The following WDR27 variants were observed in gnomAD, a reference collection of about 807,000 sequenced individuals.
The protein encoded by WDR27 is WD repeat domain 27, also known as WD repeat-containing protein 27.
WDR27 carries 100 observed loss-of-function variants against 114.4 expected under a neutral mutation model. That is an observed-to-expected ratio of 0.87 (90% CI 0.74 to 1.03). The LOEUF is 1.03. Ranked by LOEUF, WDR27 falls within the 50% of genes least tolerant of loss-of-function variation. The pLI, the probability that WDR27 is intolerant of heterozygous loss-of-function variation, is 0.00. For synonymous variants in WDR27, 449 were observed against 423.1 expected (o/e 1.06, Z -0.75); for missense variants, 1,129 against 1,092.9 (o/e 1.03, Z -0.47).
rs145479460 is a variant in WDR27, at chr6:169,549,418, C to G, written c.2645+23001G>C. 4.5e-3 allele frequency among the ~76,000 whole-genome samples: 690 copies of G among 152,270 alleles called. 7 individuals carry two copies. The highest frequency in any genetic ancestry group is 0.016 in the African/African-American group (658 of 41,554). ...GAGCAACAGGAACTCCCATTCATTG[C>G]TGGTGGGAGTGCAAAATGGTGCAGC... On this transcript the variant is annotated intron_variant, in intron 25 of 25. Transcript: ENST00000448612.
At position 169,613,543 on chromosome 6, in the gene WDR27, C is replaced by T. The variant is rs144705222; in HGVS notation, c.2321+16G>A. 1,374 of 1,607,580 alleles carry T rather than the reference C, an allele frequency of 8.5e-4. 16 individuals carry two copies. In the East Asian group the frequency reaches 0.022, roughly 26 times the overall value. ...AGCTCCCCACCCCTGCAGTGCAGGG[C>T]GCAGGACAGCCTTACCTCAGGGTTC... On this transcript the variant is annotated intron_variant, in intron 22 of 25. Coordinates refer to ENST00000448612, the MANE Select transcript of WDR27 (RefSeq NM_182552.5).
intron 2 of WDR27, among the ~76,000 whole-genome samples, chr6:169,675,625 G>A (rs576037773): frequency 5.3e-5 from 8 of 152,244 alleles, no homozygotes; most frequent in South Asian, 4.1e-4. Flanking sequence ...TCAGAAAGGC[G>A]GGACAACTCA....
chr6:169,482,439 A>G (rs1230255614), intron 25 of WDR27, among the ~76,000 whole-genome samples: 2 of 152,102 alleles, frequency 1.3e-5, no homozygotes, highest in East Asian at 1.9e-4. Context: ...GTATTTTTTG[A>G]CTTTTAATAA....
At chr6:169,565,727 T>C (rs1444906658) in intron 25 of WDR27, among the ~76,000 whole-genome samples, 8 of 152,226 alleles carry the variant, frequency 5.3e-5, no homozygotes, top group African/African-American at 1.9e-4. Flanking sequence ...CAGGCTGGAG[T>C]GCAGTGGTCC....
chr6:169,618,386 A>C (rs1423381510), intron 21 of WDR27, among the ~76,000 whole-genome samples: 1 of 152,188 alleles, frequency 6.6e-6, no homozygotes, highest in African/African-American at 2.4e-5. Context: ...TACACCTGCT[A>C]GGACTTTAAG....
chr6:169,701,075 A>G (rs1203283892), intron 1 of WDR27, among the ~76,000 whole-genome samples: 1 of 152,228 alleles, frequency 6.6e-6, no homozygotes, highest in Non-Finnish European at 1.5e-5. Context: ...TCCCAGATAA[A>G]CTGGAAGCTG....
At chr6:169,467,240 G>C (rs546508547) in intron 25 of WDR27, among the ~76,000 whole-genome samples, 1 of 152,312 alleles carries the variant, frequency 6.6e-6, no homozygotes, top group African/African-American at 2.4e-5. Context: ...AGCTTTTCCA[G>C]AAGCATGGTG....
chr6:169,485,597 T>C (rs1788779955), intron 25 of WDR27, among the ~76,000 whole-genome samples: 1 of 152,206 alleles, frequency 6.6e-6, no homozygotes, highest in African/African-American at 2.4e-5. Flanking sequence ...GAAATCAGTG[T>C]GGTGATTGCT....
Position 169,525,885 on chromosome 6 carries a change from A to C in WDR27, c.2645+46534T>G, listed in dbSNP as rs560139595. Among the ~76,000 whole-genome samples, 381 of 152,366 alleles carry C rather than the reference A, an allele frequency of 2.5e-3. 4 individuals carry two copies. The highest frequency in any genetic ancestry group is 8.2e-3 in the African/African-American group (341 of 41,582). On this transcript the variant is annotated intron_variant, in intron 25 of 25. Coordinates refer to ENST00000448612, the MANE Select transcript of WDR27 (RefSeq NM_182552.5). ...GATAAAGAAAATGTGGTATATATACACAATGGAATATTGTTCAGCCATAAA... is the reference window on the plus strand; with the variant it reads ...GATAAAGAAAATGTGGTATATATACCCAATGGAATATTGTTCAGCCATAAA...
At position 169,668,189 on chromosome 6, in the gene WDR27, T is replaced by C; in HGVS notation, c.457-4A>G. ...TGTATGTCACAGAAAATCGCTGCTA[T>C]TAAAATAAAGCCCAAATTATTCCTC... On this transcript the variant is annotated splice_region_variant and splice_polypyrimidine_tract_variant and intron_variant, in intron 4 of 25. Transcript: ENST00000448612. The C allele has an allele frequency of 6.2e-7, 1 of 1,613,910 alleles. No homozygotes were observed. The highest frequency in any genetic ancestry group is 1.1e-5 in the South Asian group (1 of 91,018).
chr6:169,590,044 T>A (rs941929871), intron 23 of WDR27, among the ~76,000 whole-genome samples: 2 of 151,074 alleles, frequency 1.3e-5, no homozygotes, highest in African/African-American at 4.9e-5. Context: ...TGCTCAAAAA[T>A]GTTTTTACAA....
At position 169,566,303 on chromosome 6, in the gene WDR27, C is replaced by G. The variant is rs372925378; in HGVS notation, c.2645+6116G>C. Reference sequence around the variant, plus strand: ...GCAGGGAAGAAAGCTTGTGGCTAGACAGCAGCCCTGCTCACCTGGGCAGTG... The same window carrying G: ...GCAGGGAAGAAAGCTTGTGGCTAGAGAGCAGCCCTGCTCACCTGGGCAGTG... On this transcript the variant is annotated intron_variant, in intron 25 of 25. Coordinates refer to ENST00000448612, the MANE Select transcript of WDR27 (RefSeq NM_182552.5). Among the ~76,000 whole-genome samples the G allele has an allele frequency of 1.8e-4, 28 of 152,332 alleles. No individual in the cohort carries two copies. The East Asian group carries it at 2.7e-3, about 15-fold the overall frequency.
intron 13 of WDR27, among the ~76,000 whole-genome samples, chr6:169,652,691 T>C (rs1166253889): frequency 6.6e-6 from 1 of 152,252 alleles, no homozygotes; most frequent in African/African-American, 2.4e-5. Context: ...ATCCATTAAT[T>C]TTCCATGGGA....
rs1191959343 is a variant in WDR27, at chr6:169,670,598, C to T, written c.427G>A (p.Gly143Arg). 1.9e-6 allele frequency: 3 copies of T among 1,613,794 alleles called. No individual in the cohort carries two copies. In the African/African-American group the frequency reaches 4.0e-5, roughly 22 times the overall value. ...LDDHVVAVCA[G>R]NKIFMLDIEQ... ...ATATCCAGCATGAATATTTTGTTTC[C>T]AGCACACACGGCAACAACATGATCA... Residue 143 changes from glycine (G) to arginine (R), a missense_variant, in exon 4 of 26, where the codon GGA (glycine) becomes AGA (arginine). Transcript: ENST00000448612.
At chr6:169,529,312 CGG>C (rs10718481) in intron 25 of WDR27, among the ~76,000 whole-genome samples, 23,477 of 115,136 alleles carry the variant, frequency 0.2, 3,758 homozygotes, top group African/African-American at 0.4. Flanking sequence ...GTGACCTCTG[CGG>C]GGGGGGGGGG....
At chr6:169,587,278 G>A (rs1163366010) in intron 23 of WDR27, among the ~76,000 whole-genome samples, 1 of 147,750 alleles carries the variant, frequency 6.8e-6, no homozygotes, top group East Asian at 2.0e-4. Flanking sequence ...GAGTGCAGTG[G>A]TGCAATCTCA....
the WDR27 span, among the ~76,000 whole-genome samples, chr6:169,429,696 G>A: frequency 6.6e-6 from 1 of 152,048 alleles, no homozygotes; most frequent in Admixed American, 6.5e-5. Flanking sequence ...AACTTTGTCG[G>A]GCACCACAGT....
intron 21 of WDR27, among the ~76,000 whole-genome samples, chr6:169,619,424 G>A (rs531836226): frequency 6.6e-5 from 10 of 152,174 alleles, no homozygotes; most frequent in Non-Finnish European, 1.5e-4. Context: ...ATTTATTCTG[G>A]GCCAAATATG....
chr6:169,583,986 C>T (rs1032020070), intron 23 of WDR27, among the ~76,000 whole-genome samples: 2 of 152,160 alleles, frequency 1.3e-5, no homozygotes, highest in African/African-American at 4.8e-5. Flanking sequence ...AACTTGAGCA[C>T]TCATGTTGCA....
Sources: gnomAD v4.1 joint callset for allele counts (sites outside exome capture counted in the v4.1 genomes callset) on GRCh38, gnomAD v4.1.1 for gene constraint, MANE v1.5 for transcripts, NCBI Gene and HGNC (gene_info 2026-07-23, HGNC 2026-07-21) for gene names.